PRELID2: variants seen among roughly 807,000 people sequenced by gnomAD.
PRELID2 encodes the protein PRELI domain containing 2.
Under a neutral mutation model 28.4 loss-of-function variants are expected in PRELID2, and 25 were observed. The ratio of observed to expected loss-of-function variants is 0.88; its 90% CI spans 0.64 to 1.23. The LOEUF (loss-of-function observed/expected upper bound fraction) is 1.23. Among genes scored for constraint, PRELID2 ranks in the 50% most tolerant of loss-of-function variants. The pLI is 0.00. For missense variants in PRELID2, 201 were observed against 214.4 expected (o/e 0.94, Z 0.39); for synonymous variants, 76 against 71.6 (o/e 1.06, Z -0.31).
rs139212013 is a variant in PRELID2, at chr5:145,829,621, C to T, written c.75+5556G>A. On this transcript the variant is annotated intron_variant, in intron 1 of 6. Coordinates refer to ENST00000683046, the MANE Select transcript of PRELID2 (RefSeq NM_205846.3). Reference sequence around the variant, plus strand: ...AGAAAAATGAACTGACCTGTCCAAGCTCACAGGGCTAACAGCGCTCCATCC... The same window carrying T: ...AGAAAAATGAACTGACCTGTCCAAGTTCACAGGGCTAACAGCGCTCCATCC... Among the ~76,000 whole-genome samples, 102 of 152,286 alleles carry T rather than the reference C, an allele frequency of 6.7e-4. 1 individual carries two copies. In the East Asian group the frequency reaches 0.018, roughly 26 times the overall value.
chr5:145,772,563 G>T (rs760636864), intron 5 of PRELID2, among the ~76,000 whole-genome samples: 1 of 152,180 alleles, frequency 6.6e-6, no homozygotes, highest in Non-Finnish European at 1.5e-5. Context: ...TGGCAAGAGG[G>T]TATGTACAAG....
chr5:145,719,254 C>A (rs1755923090), intron 1 of PRELID2, among the ~76,000 whole-genome samples: 1 of 151,618 alleles, frequency 6.6e-6, no homozygotes, highest in African/African-American at 2.4e-5. Flanking sequence ...TTAAAATCAC[C>A]CTGAGAAAGA....
the PRELID2 span, among the ~76,000 whole-genome samples, chr5:145,417,480 C>A: frequency 0.025 from 3,836 of 152,022 alleles, 135 homozygotes; most frequent in African/African-American, 0.081. Flanking sequence ...CTTGATGAAC[C>A]TCAATGCAAA....
At chr5:145,430,643 C>A in the PRELID2 span, among the ~76,000 whole-genome samples, 3 of 152,146 alleles carry the variant, frequency 2.0e-5, no homozygotes, top group Non-Finnish European at 2.9e-5. Context: ...GGTACCATTT[C>A]TTTATGCCTG....
chr5:145,472,019 C>A (rs1752059155), exon 3 of PRELID2: 1 of 152,054 alleles, frequency 6.6e-6, no homozygotes, highest in Admixed American at 6.6e-5. Context: ...GGATTCAGTT[C>A]CAGAAGAAAG....
intron 1 of PRELID2, among the ~76,000 whole-genome samples, chr5:145,824,013 G>A (rs1056260268): frequency 2.6e-5 from 4 of 151,986 alleles, no homozygotes; most frequent in African/African-American, 9.7e-5. Context: ...ATTTACCCCC[G>A]ATACTTTCTG....
intron 5 of PRELID2, among the ~76,000 whole-genome samples, chr5:145,781,974 G>T (rs1561601516): frequency 6.6e-6 from 1 of 151,966 alleles, no homozygotes; most frequent in Admixed American, 6.6e-5. Context: ...TGAGAGAAGA[G>T]GTTCAGAAAA....
chr5:145,415,242 T>C, the PRELID2 span, among the ~76,000 whole-genome samples: 2 of 152,070 alleles, frequency 1.3e-5, no homozygotes, highest in African/African-American at 2.4e-5. Flanking sequence ...TTTTTTGTTG[T>C]TGGTTTTGTT....
At chr5:145,573,058 G>T (rs953450770) in intron 1 of PRELID2, among the ~76,000 whole-genome samples, 4 of 152,120 alleles carry the variant, frequency 2.6e-5, no homozygotes, top group African/African-American at 9.7e-5. Context: ...AGAGGGAGTA[G>T]CAGGCTACCT....
the PRELID2 span, among the ~76,000 whole-genome samples, chr5:145,368,290 C>G: frequency 2.0e-5 from 3 of 151,826 alleles, no homozygotes; most frequent in African/African-American, 7.3e-5. Flanking sequence ...GGCTCTAAAG[C>G]CACCAATTTT....
At chr5:145,811,946 T>C (rs1025900815) in intron 4 of PRELID2, among the ~76,000 whole-genome samples, 1 of 152,148 alleles carries the variant, frequency 6.6e-6, no homozygotes, top group Non-Finnish European at 1.5e-5. Context: ...CCTTCTACTA[T>C]GTCCCAATTA....
At chr5:145,280,386 C>G in the PRELID2 span, among the ~76,000 whole-genome samples, 1 of 152,140 alleles carries the variant, frequency 6.6e-6, no homozygotes, top group African/African-American at 2.4e-5. Context: ...AAGAAATACA[C>G]TCTACTCAAT....
At chr5:145,295,314 G>GA in the PRELID2 span, among the ~76,000 whole-genome samples, 11 of 151,624 alleles carry the variant, frequency 7.3e-5, no homozygotes, top group South Asian at 4.2e-4. Flanking sequence ...GATAAGGTAA[G>GA]AAAAAAAAGA....
At chr5:145,618,698 G>T (rs1024677387) in intron 1 of PRELID2, among the ~76,000 whole-genome samples, 1 of 152,180 alleles carries the variant, frequency 6.6e-6, no homozygotes, top group African/African-American at 2.4e-5. Context: ...AGCATCAGCT[G>T]TGGTAGCATG....
At chr5:145,457,121 G>A in the PRELID2 span, among the ~76,000 whole-genome samples, 42 of 152,218 alleles carry the variant, frequency 2.8e-4, no homozygotes, top group Middle Eastern at 3.4e-3. Context: ...GCTGAGGGAA[G>A]GTGGGGAAAG....
At chr5:145,767,049 A>T (rs1395019410) in intron 5 of PRELID2, among the ~76,000 whole-genome samples, 1 of 152,094 alleles carries the variant, frequency 6.6e-6, no homozygotes, top group East Asian at 1.9e-4. Flanking sequence ...TCAAGCCTGG[A>T]CCTGTGGCCC....
intron 5 of PRELID2, among the ~76,000 whole-genome samples, chr5:145,767,168 T>A (rs1205104095): frequency 9.4e-6 from 1 of 106,454 alleles, no homozygotes; most frequent in African/African-American, 3.7e-5. Context: ...CAGGCCCCAC[T>A]GGTGGAGTGG....
chr5:145,291,122 G>A, the PRELID2 span, among the ~76,000 whole-genome samples: 1 of 151,610 alleles, frequency 6.6e-6, no homozygotes, highest in Non-Finnish European at 1.5e-5. Context: ...GGTGGATCAC[G>A]AGGTCAAGAG....
At chr5:145,295,551 G>A in the PRELID2 span, among the ~76,000 whole-genome samples, 1 of 152,088 alleles carries the variant, frequency 6.6e-6, no homozygotes, top group Admixed American at 6.6e-5. Context: ...CAGAACACAA[G>A]GCAACTCCAC....
Sources: gnomAD v4.1 joint callset for allele counts (sites outside exome capture counted in the v4.1 genomes callset) on GRCh38, gnomAD v4.1.1 for gene constraint, MANE v1.5 for transcripts, NCBI Gene and HGNC (gene_info 2026-07-23, HGNC 2026-07-21) for gene names.